NCKAP5: variants seen among roughly 807,000 people sequenced by gnomAD.
The protein encoded by NCKAP5 is NCK associated protein 5, also known as nck-associated protein 5.
In NCKAP5, 92 loss-of-function variants were observed where a neutral mutation model predicts 167.0. The observed-to-expected ratio is 0.55, with a 90% CI of 0.47 to 0.66. The LOEUF is 0.66. NCKAP5 is among the 30% of genes least tolerant of loss of function. NCKAP5 has a pLI of 0.00. For synonymous variants in NCKAP5, 891 were observed against 877.4 expected (o/e 1.02, Z -0.27); for missense variants, 2,378 against 2,315.0 (o/e 1.03, Z -0.56).
intron 3 of NCKAP5, among the ~76,000 whole-genome samples, chr2:133,345,964 T>C (rs564567550): frequency 3.9e-5 from 6 of 152,212 alleles, no homozygotes; most frequent in African/African-American, 1.4e-4. Flanking sequence ...GAACAATTAT[T>C]TGAGGACAGC....
At chr2:133,011,947 ACCCCTTGCTTCCATTCTCTCTTTTCTC>A (rs1372973323) in intron 6 of NCKAP5, among the ~76,000 whole-genome samples, 1 of 151,828 alleles carries the variant, frequency 6.6e-6, no homozygotes, top group Non-Finnish European at 1.5e-5. Context: ...CTATTGCTGG[ACCCCTTGCTTCCATTCTCTCTTTTCTC>A]TTCTGGACCT....
At chr2:132,851,172 G>C (rs1183155015) in intron 11 of NCKAP5, among the ~76,000 whole-genome samples, 1 of 152,170 alleles carries the variant, frequency 6.6e-6, no homozygotes, top group African/African-American at 2.4e-5. Flanking sequence ...ATGAACAGGA[G>C]ACTTGGTAAC....
chr2:133,611,485 C>T, the NCKAP5 span, among the ~76,000 whole-genome samples: 75,414 of 151,986 alleles, frequency 0.5, 20,753 homozygotes, highest in Middle Eastern at 0.71. Context: ...TCCCAAGATT[C>T]TGTGTTTTCA....
rs565124054 is a variant in NCKAP5, at chr2:132,835,656, C to A, written c.807+24836G>T. On this transcript the variant is annotated intron_variant, in intron 11 of 19. Coordinates refer to ENST00000409261, the MANE Select transcript of NCKAP5 (RefSeq NM_207363.3). ...TCCTGCCTTTAATGAACTAACTTTT[C>A]TTTTTTCCAGTTTTCATTCAAATTT... 6.1e-5 allele frequency among the ~76,000 whole-genome samples: 9 copies of A among 147,588 alleles called. No homozygotes were observed. In the South Asian group the frequency reaches 1.7e-3, roughly 28 times the overall value.
intron 3 of NCKAP5, among the ~76,000 whole-genome samples, chr2:133,371,801 C>G (rs1164452894): frequency 6.6e-6 from 1 of 152,112 alleles, no homozygotes; most frequent in Non-Finnish European, 1.5e-5. Context: ...CTGGTTCTAC[C>G]TCCATACCTC....
At chr2:133,090,384 G>T (rs1169456896) in intron 6 of NCKAP5, among the ~76,000 whole-genome samples, 1 of 151,914 alleles carries the variant, frequency 6.6e-6, no homozygotes, top group Non-Finnish European at 1.5e-5. Context: ...AAGAAGAAGA[G>T]AAGACAGTTT....
At chr2:133,060,758 A>G (rs2149515005) in intron 6 of NCKAP5, among the ~76,000 whole-genome samples, 1 of 152,316 alleles carries the variant, frequency 6.6e-6, no homozygotes, top group South Asian at 2.1e-4. Flanking sequence ...GAATAAAGAA[A>G]CGTCTTTCTT....
intron 2 of NCKAP5, among the ~76,000 whole-genome samples, chr2:133,552,905 CTCAAATTG>C (rs1244115831): frequency 1.3e-5 from 2 of 152,094 alleles, no homozygotes; most frequent in Non-Finnish European, 2.9e-5. Context: ...TTGCTATATG[CTCAAATTG>C]TCCAAGGTAT....
At chr2:133,392,022 G>A (rs1687445511) in intron 3 of NCKAP5, among the ~76,000 whole-genome samples, 1 of 152,098 alleles carries the variant, frequency 6.6e-6, no homozygotes, top group African/African-American at 2.4e-5. Flanking sequence ...TGTCTTCTCT[G>A]TCTGTAAAAC....
intron 5 of NCKAP5, among the ~76,000 whole-genome samples, chr2:133,182,041 G>T (rs2084761183): frequency 6.6e-6 from 1 of 151,994 alleles, no homozygotes; most frequent in Non-Finnish European, 1.5e-5. Flanking sequence ...TTATAAAATG[G>T]TCTATTCACC....
intron 5 of NCKAP5, among the ~76,000 whole-genome samples, chr2:133,144,770 C>T (rs1455171974): frequency 6.6e-6 from 1 of 152,088 alleles, no homozygotes; most frequent in Non-Finnish European, 1.5e-5. Flanking sequence ...TGGTGTTGAA[C>T]CATTAGCCAG....
Position 133,384,536 on chromosome 2 carries a change from C to A in NCKAP5, c.70-81426G>T, listed in dbSNP as rs201153417. On this transcript the variant is annotated intron_variant, in intron 3 of 19. Transcript: ENST00000409261. ...CTGGCTTAGGACTGACTTGGCAATGCGGGCTCTTTTTTGGTTCCATGTGAA... is the reference window on the plus strand; with the variant it reads ...CTGGCTTAGGACTGACTTGGCAATGAGGGCTCTTTTTTGGTTCCATGTGAA... Among the ~76,000 whole-genome samples, 77 of 152,232 alleles carry A rather than the reference C, an allele frequency of 5.1e-4. No individual in the cohort carries two copies. The East Asian group carries it at 0.014, about 28-fold the overall frequency.
Position 132,783,466 on chromosome 2 carries a change from G to T in NCKAP5, c.3345C>A (p.Val1115=), listed in dbSNP as rs1683242911. 1 of 1,592,606 alleles carries T rather than the reference G, an allele frequency of 6.3e-7. No individual in the cohort carries two copies. The highest frequency in any genetic ancestry group is 1.3e-5 in the African/African-American group (1 of 74,260). ...LGVNESPSSQ[V]SSSSSSSSPA... ...GTGATGAGGATGATGAGGAACTGCT[G>T]ACCTGAGATGATGGTGACTCATTTA... The change falls in exon 14 of 20, where the codon GTC becomes GTA. Residue 1115 remains valine (V), a synonymous_variant. Transcript: ENST00000409261.
At chr2:133,546,347 A>G (rs1037306334) in intron 2 of NCKAP5, among the ~76,000 whole-genome samples, 9 of 152,214 alleles carry the variant, frequency 5.9e-5, no homozygotes, top group African/African-American at 1.9e-4. Flanking sequence ...AAGGGCTTAA[A>G]AGGAGTATTT....
chr2:133,650,726 AAG>A, the NCKAP5 span, among the ~76,000 whole-genome samples: 1 of 152,024 alleles, frequency 6.6e-6, no homozygotes, highest in Non-Finnish European at 1.5e-5. Context: ...AGAAAAAAAA[AAG>A]AAAAATAGCC....
At chr2:133,629,720 GA>G in the NCKAP5 span, among the ~76,000 whole-genome samples, 2 of 152,096 alleles carry the variant, frequency 1.3e-5, no homozygotes, top group African/African-American at 4.8e-5. Flanking sequence ...CAAAGACATG[GA>G]ATCAACCCAA....
chr2:133,466,657 C>G (rs1461497734), intron 3 of NCKAP5, among the ~76,000 whole-genome samples: 1 of 152,196 alleles, frequency 6.6e-6, no homozygotes, highest in Admixed American at 6.5e-5. Context: ...GAATGTTCTT[C>G]CGTTTGTTTG....
At chr2:133,219,430 C>A (rs79767109) in intron 4 of NCKAP5, among the ~76,000 whole-genome samples, 3,536 of 152,252 alleles carry the variant, frequency 0.023, 141 homozygotes, top group African/African-American at 0.079. Flanking sequence ...GGAAATGCAA[C>A]CTATTAGATT....
chr2:133,407,694 CATCT>C (rs1688526589), intron 3 of NCKAP5, among the ~76,000 whole-genome samples: 1 of 152,184 alleles, frequency 6.6e-6, no homozygotes, highest in South Asian at 2.1e-4. Flanking sequence ...AAGTAAGTGC[CATCT>C]CTGACAGGGC....
Sources: allele counts gnomAD v4.1 joint callset (sites outside exome capture counted in the v4.1 genomes callset), GRCh38; gene constraint gnomAD v4.1.1; transcripts MANE v1.5; gene names NCBI Gene and HGNC (gene_info 2026-07-23, HGNC 2026-07-21).